Variants in ZNF595 observed in about 807,000 individuals in gnomAD.
ZNF595 encodes the protein zinc finger protein 595.
In ZNF595, 9 loss-of-function variants were observed where a neutral mutation model predicts 19.4. That is an observed-to-expected ratio of 0.46 (90% CI 0.28 to 0.81). ZNF595 has a LOEUF of 0.81. ZNF595 is among the 30% of genes least tolerant of loss of function. The pLI, the probability that ZNF595 is intolerant of heterozygous loss-of-function variation, is 0.11. For synonymous variants in ZNF595, 255 were observed against 255.9 expected (o/e 1.00, Z 0.03); for missense variants, 729 against 736.0 (o/e 0.99, Z 0.11).
chr4:87,008 C>G lies in ZNF595; in HGVS notation c.1504C>G (p.His502Asp), dbSNP rs1714232786. 1.2e-6 allele frequency: 2 copies of G among 1,613,982 alleles called. No individual in the cohort carries two copies. The highest frequency in any genetic ancestry group is 3.3e-4 in the Middle Eastern group (2 of 6,062). Residue 502 changes from histidine (H) to aspartate (D), a missense_variant, in exon 4 of 4, where the codon CAT becomes GAT. Around this residue, in one of 2 missense-constraint regions of ZNF595, gnomAD observed 729 missense variants for 675.3 expected, o/e 1.08. Transcript: ENST00000610261. ...SASLNEHKNI[H>D]TGEKPYKCKE... is the part of the protein sequence containing the mutation. ...AAGCCTGAATGAACATAAGAATATT[C>G]ATACTGGAGAGAAACCCTACAAATG...
In ZNF595 at chr4:87,461, C is replaced by T; in HGVS notation, c.*10C>T. On this transcript the variant is annotated 3_prime_UTR_variant, in exon 4 of 4. Coordinates refer to ENST00000610261, the MANE Select transcript of ZNF595 (RefSeq NM_182524.4). ...CAAGGAACATAGTTGAATGACATTT[C>T]TAGTAATCTCTAATTCCAGTGTCTT... 4 of 1,542,794 alleles carry T rather than the reference C, an allele frequency of 2.6e-6. No homozygotes were observed. Among genetic ancestry groups the T allele is most frequent in the Non-Finnish European group, 3.5e-6 (4 of 1,143,948 alleles).
chr4:80,326 G>A (rs1713851884), intron 3 of ZNF595, among the ~76,000 whole-genome samples: 1 of 152,144 alleles, frequency 6.6e-6, no homozygotes, highest in South Asian at 2.1e-4. Flanking sequence ...GCTTGAGCAT[G>A]TCTTTGTGAC....
intron 3 of ZNF595, among the ~76,000 whole-genome samples, chr4:69,257 C>T (rs1285384346): frequency 6.6e-6 from 1 of 152,116 alleles, no homozygotes; most frequent in Non-Finnish European, 1.5e-5. Flanking sequence ...TATGTACATA[C>T]CTAGGAATGG....
chr4:77,007 A>T (rs1035129960), intron 3 of ZNF595, among the ~76,000 whole-genome samples: 4 of 152,158 alleles, frequency 2.6e-5, no homozygotes, highest in Non-Finnish European at 4.4e-5. Flanking sequence ...ATTGAGAAAA[A>T]TTTAGGACAT....
intron 3 of ZNF595, among the ~76,000 whole-genome samples, chr4:75,060 C>T (rs1713589259): frequency 6.7e-6 from 1 of 149,838 alleles, no homozygotes; most frequent in Non-Finnish European, 1.5e-5. Flanking sequence ...TCTCTTTTGT[C>T]TGATACGGCC....
chr4:66,710 T>C (rs1581332602), intron 3 of ZNF595, among the ~76,000 whole-genome samples: 1 of 152,250 alleles, frequency 6.6e-6, no homozygotes, highest in African/African-American at 2.4e-5. Context: ...CTTTCTCTTA[T>C]TGTGTGGTTA....
chr4:72,420 C>T (rs1296515015), intron 3 of ZNF595, among the ~76,000 whole-genome samples: 1 of 152,038 alleles, frequency 6.6e-6, no homozygotes, highest in Non-Finnish European at 1.5e-5. Context: ...AATACATTTC[C>T]ACAAGAAATC....
At chr4:78,945 G>A (rs1190129583) in intron 3 of ZNF595, among the ~76,000 whole-genome samples, 5 of 152,130 alleles carry the variant, frequency 3.3e-5, no homozygotes, top group Non-Finnish European at 4.4e-5. Context: ...CACTCGCCTC[G>A]GCCTCCGAAA....
In ZNF595 at chr4:87,218, G is replaced by C; in HGVS notation, c.1714G>C (p.Ala572Pro). The change falls in exon 4 of 4, where the codon GCC (alanine) becomes CCC (proline). Residue 572 changes from alanine to proline, a missense_variant. Ala to Pro is a conservative substitution (Grantham distance 27). This residue lies in a region of ZNF595 where 729 missense variants were observed against 675.3 expected (regional missense o/e 1.08). Coordinates refer to ENST00000610261, the MANE Select transcript of ZNF595 (RefSeq NM_182524.4). ...KPYKCKECGK[A>P]YNLSSTLTKH... is the part of the protein sequence containing the mutation. The stretch of plus-strand genomic sequence containing the variant: ...CTACAAATGCAAAGAATGTGGCAAA[G>C]CCTATAACTTATCCTCAACCCTTAC... The C allele has an allele frequency of 6.3e-6, 10 of 1,595,216 alleles. No individual in the cohort carries two copies. Among genetic ancestry groups the C allele is most frequent in the Non-Finnish European group, 7.7e-6 (9 of 1,167,692 alleles).
chr4:85,531 G>A (rs7667153), intron 3 of ZNF595, among the ~76,000 whole-genome samples, 200 bp from the exon 4 acceptor site: 40,512 of 152,024 alleles, frequency 0.27, 6,141 homozygotes, highest in South Asian at 0.41. Context: ...GTTGCATACA[G>A]TTAACTCATT....
intron 3 of ZNF595, among the ~76,000 whole-genome samples, chr4:80,079 A>G (rs951484417): frequency 2.0e-5 from 3 of 152,048 alleles, no homozygotes; most frequent in South Asian, 2.1e-4. Flanking sequence ...CTGGAGTGCA[A>G]TGGCATGATC....
At chr4:71,874 T>C (rs868984099) in intron 3 of ZNF595, among the ~76,000 whole-genome samples, 13 of 152,246 alleles carry the variant, frequency 8.5e-5, no homozygotes, top group Middle Eastern at 6.8e-3. Context: ...CCCAACAACA[T>C]TGAATGTTCA....
chr4:80,666 G>A (rs1467891417), intron 3 of ZNF595, among the ~76,000 whole-genome samples: 1 of 152,084 alleles, frequency 6.6e-6, no homozygotes, highest in Non-Finnish European at 1.5e-5. Flanking sequence ...CAGGGACAGG[G>A]GTCACAAGGT....
chr4:57,410 C>A (rs1712664832), intron 1 of ZNF595, among the ~76,000 whole-genome samples: 1 of 152,308 alleles, frequency 6.6e-6, no homozygotes, highest in African/African-American at 2.4e-5. Flanking sequence ...AGGGCAGTTC[C>A]ATTTTCTGTT....
rs1553802020 is a variant in ZNF595, at chr4:87,232, C to G, written c.1728C>G (p.Ser576=). 1.3e-6 allele frequency: 2 copies of G among 1,595,144 alleles called. No homozygotes were observed. The highest frequency in any genetic ancestry group is 1.7e-6 in the Non-Finnish European group (2 of 1,167,706). ...AATGTGGCAAAGCCTATAACTTATC[C>G]TCAACCCTTACTAAACATAAGAGAA... ...CKECGKAYNL[S]STLTKHKRIH... The change falls in exon 4 of 4, where the codon TCC becomes TCG. Residue 576 remains serine (S), a synonymous_variant. Transcript: ENST00000610261.
intron 3 of ZNF595, chr4:68,377 G>A (rs1485356191): frequency 2.5e-4 from 37 of 150,376 alleles, no homozygotes; most frequent in African/African-American, 8.0e-4. Context: ...CTCCTGGATT[G>A]CACCATGCTG....
rs1228276561 is a variant in ZNF595 at position 66,321 on chromosome 4, A to T, written c.226+6168A>T. On this transcript the variant is annotated intron_variant, in intron 3 of 3. Coordinates refer to ENST00000610261, the MANE Select transcript of ZNF595 (RefSeq NM_182524.4). ...CATTTTCATCTCTTGTCTATTAGTC[A>T]TGTAACTTTTTGTTTTTTTTTTTGG... 2.7e-5 allele frequency among the ~76,000 whole-genome samples: 4 copies of T among 146,716 alleles called. No homozygotes were observed. In the East Asian group the frequency reaches 9.4e-4, roughly 35 times the overall value.
In ZNF595 at chr4:87,471, C is replaced by G. The variant is rs1176829167; in HGVS notation, c.*20C>G. On this transcript the variant is annotated 3_prime_UTR_variant, in exon 4 of 4. Coordinates refer to ENST00000610261, the MANE Select transcript of ZNF595 (RefSeq NM_182524.4). ...AGTTGAATGACATTTCTAGTAATCTCTAATTCCAGTGTCTTTACACAGCAA... is the reference window on the plus strand; with the variant it reads ...AGTTGAATGACATTTCTAGTAATCTGTAATTCCAGTGTCTTTACACAGCAA... The G allele has an allele frequency of 2.0e-6, 3 of 1,533,390 alleles. No homozygotes were observed. The highest frequency in any genetic ancestry group is 2.3e-5 in the East Asian group (1 of 43,952). 95.0% of individuals were successfully genotyped at this position (1,533,390 alleles called of 1,614,324 possible). A position where few individuals can be genotyped will look rare whatever the true frequency, so the allele number is the denominator to read the frequency against.
intron 3 of ZNF595, among the ~76,000 whole-genome samples, chr4:73,478 T>C (rs1267618958): frequency 6.6e-6 from 1 of 152,146 alleles, no homozygotes; most frequent in Non-Finnish European, 1.5e-5. Flanking sequence ...ATTATTTGTT[T>C]ATGAGGGAAA....
Sources: allele counts gnomAD v4.1 joint callset (sites outside exome capture counted in the v4.1 genomes callset), GRCh38; gene constraint gnomAD v4.1.1; regional missense constraint gnomAD v4.1.1; transcripts MANE v1.5; gene names NCBI Gene and HGNC (gene_info 2026-07-23, HGNC 2026-07-21).